The following ZNF804B variants were observed in gnomAD, a reference collection of about 807,000 sequenced individuals.
ZNF804B encodes zinc finger protein 804B, also known as zinc finger 804B.
A neutral mutation model predicts 101.4 loss-of-function variants in ZNF804B; 80 were observed. That is an observed-to-expected ratio of 0.79 (90% CI 0.66 to 0.95). ZNF804B has a LOEUF of 0.95. Among genes scored for constraint, ZNF804B ranks in the 40% least tolerant of loss-of-function variants. The probability of loss-of-function intolerance (pLI) is 0.00; values close to 1 mark genes in which losing one functional copy is unlikely to be tolerated. For synonymous variants in ZNF804B, 622 were observed against 558.8 expected (o/e 1.11, Z -1.59); for missense variants, 1,673 against 1,561.9 (o/e 1.07, Z -1.20).
intron 2 of ZNF804B, among the ~76,000 whole-genome samples, chr7:89,296,260 G>A (rs1790381824): frequency 4.6e-5 from 7 of 151,384 alleles, no homozygotes; most frequent in Admixed American, 4.6e-4. Flanking sequence ...CGATTATACA[G>A]GAAAAAAATC....
intron 1 of ZNF804B, among the ~76,000 whole-genome samples, chr7:88,856,818 G>A (rs893799731): frequency 1.3e-5 from 2 of 152,090 alleles, no homozygotes; most frequent in African/African-American, 4.8e-5. Context: ...TAGTATGAAG[G>A]GCTGTTGAAT....
intron 1 of ZNF804B, among the ~76,000 whole-genome samples, chr7:89,195,418 A>C (rs1358431716): frequency 3.8e-3 from 323 of 86,050 alleles, no homozygotes; most frequent in Admixed American, 5.0e-3. Flanking sequence ...TGCAGATGAC[A>C]TGATTGTATA....
chr7:89,303,861 G>A (rs1790520725), intron 2 of ZNF804B, among the ~76,000 whole-genome samples: 1 of 151,704 alleles, frequency 6.6e-6, no homozygotes, highest in Admixed American at 6.6e-5. Context: ...CATTGAAAGG[G>A]CAAACTCCAA....
At chr7:88,867,532 G>T (rs372420297) in intron 1 of ZNF804B, among the ~76,000 whole-genome samples, 127 of 152,272 alleles carry the variant, frequency 8.3e-4, no homozygotes, top group African/African-American at 2.7e-3. Context: ...CCCACATTAA[G>T]GGGGGATTTT....
intron 1 of ZNF804B, among the ~76,000 whole-genome samples, chr7:88,791,480 T>C (rs974116652): frequency 1.3e-5 from 2 of 152,160 alleles, no homozygotes; most frequent in African/African-American, 4.8e-5. Context: ...CGTTGAGAGA[T>C]ATTCTATAAC....
intron 1 of ZNF804B, among the ~76,000 whole-genome samples, chr7:88,862,009 C>T (rs763388107): frequency 3.4e-4 from 52 of 152,166 alleles, no homozygotes; most frequent in Non-Finnish European, 1.2e-4. Context: ...CAACATCTCC[C>T]ATCTGCCAAC....
At chr7:88,986,926 C>T (rs988511746) in intron 1 of ZNF804B, among the ~76,000 whole-genome samples, 1 of 152,010 alleles carries the variant, frequency 6.6e-6, no homozygotes, top group African/African-American at 2.4e-5. Context: ...TTTAACAGTA[C>T]CTCATTTCCA....
chr7:88,771,646 A>G (rs1025966364), intron 1 of ZNF804B, among the ~76,000 whole-genome samples: 1 of 152,132 alleles, frequency 6.6e-6, no homozygotes, highest in Non-Finnish European at 1.5e-5. Flanking sequence ...GAAACAATTA[A>G]ATAAGAGAAT....
At chr7:89,090,502 T>C (rs1789867351) in intron 1 of ZNF804B, among the ~76,000 whole-genome samples, 1 of 152,190 alleles carries the variant, frequency 6.6e-6, no homozygotes, top group Admixed American at 6.5e-5. Context: ...ATAAAATAAA[T>C]GTAACCCAAA....
At chr7:89,168,682 CTTTTTTTTTT>C (rs372503661) in intron 1 of ZNF804B, among the ~76,000 whole-genome samples, 29,244 of 115,888 alleles carry the variant, frequency 0.25, 3,160 homozygotes, top group South Asian at 0.3. Flanking sequence ...GAGCTGAATA[CTTTTTTTTTT>C]TTTTTTTTTT....
At chr7:88,941,656 A>G (rs993106112) in intron 1 of ZNF804B, among the ~76,000 whole-genome samples, 1 of 151,994 alleles carries the variant, frequency 6.6e-6, no homozygotes, top group Non-Finnish European at 1.5e-5. Flanking sequence ...AAGACAGTGG[A>G]TCTATTTTGT....
chr7:88,863,374 T>C (rs562943122), intron 1 of ZNF804B, among the ~76,000 whole-genome samples: 17 of 152,204 alleles, frequency 1.1e-4, no homozygotes, highest in Admixed American at 5.2e-4. Context: ...TGAATATCAA[T>C]CTGTTTTTGC....
chr7:89,239,073 T>C (rs1483878117), intron 2 of ZNF804B, among the ~76,000 whole-genome samples: 1 of 152,140 alleles, frequency 6.6e-6, no homozygotes, highest in East Asian at 1.9e-4. Flanking sequence ...AAATAGCTAT[T>C]GTCATTTGGG....
chr7:89,238,242 A>G (rs1584075927), intron 2 of ZNF804B, among the ~76,000 whole-genome samples: 1 of 152,104 alleles, frequency 6.6e-6, no homozygotes, highest in Admixed American at 6.6e-5. Flanking sequence ...AGAGAGGAAG[A>G]TGAGAAAACT....
intron 2 of ZNF804B, among the ~76,000 whole-genome samples, chr7:89,307,586 A>AT (rs1790584689): frequency 6.6e-6 from 1 of 151,996 alleles, no homozygotes; most frequent in Non-Finnish European, 1.5e-5. Context: ...TTTTCAAGAG[A>AT]TTTTGCATTA....
At chr7:88,872,690 A>G (rs747390591) in intron 1 of ZNF804B, among the ~76,000 whole-genome samples, 2,100 of 151,482 alleles carry the variant, frequency 0.014, 20 homozygotes, top group Non-Finnish European at 0.021. Flanking sequence ...TCATTGTTCA[A>G]TTCCCACCTA....
chr7:88,843,573 T>A (rs2115810406), intron 1 of ZNF804B, among the ~76,000 whole-genome samples: 1 of 152,066 alleles, frequency 6.6e-6, no homozygotes, highest in South Asian at 2.1e-4. Context: ...CCGTCTCTAC[T>A]AAAAATACAA....
At chr7:89,058,084 C>T (rs539522686) in intron 1 of ZNF804B, among the ~76,000 whole-genome samples, 2 of 152,204 alleles carry the variant, frequency 1.3e-5, no homozygotes, top group South Asian at 2.1e-4. Context: ...ATTAACATAG[C>T]AGCCCATTTC....
At chr7:88,892,026 T>C (rs1792221746) in intron 1 of ZNF804B, among the ~76,000 whole-genome samples, 1 of 152,134 alleles carries the variant, frequency 6.6e-6, no homozygotes, top group Admixed American at 6.6e-5. Context: ...CCTAAAGTTA[T>C]ACAATATTTT....
Sources: allele counts gnomAD v4.1 joint callset (sites outside exome capture counted in the v4.1 genomes callset), GRCh38; gene constraint gnomAD v4.1.1; transcripts MANE v1.5; gene names NCBI Gene and HGNC (gene_info 2026-07-23, HGNC 2026-07-21).